ST6GALNAC5: variants seen among roughly 807,000 people sequenced by gnomAD.
ST6GALNAC5 encodes the protein alpha-N-acetylgalactosaminide alpha-2,6-sialyltransferase 5.
In ST6GALNAC5, 27 loss-of-function variants were observed where a neutral mutation model predicts 33.6. That is an observed-to-expected ratio of 0.80 (90% CI 0.59 to 1.11). ST6GALNAC5 has a LOEUF of 1.11. Among genes scored for constraint, ST6GALNAC5 ranks in the 50% least tolerant of loss-of-function variants. The pLI, the probability that ST6GALNAC5 is intolerant of heterozygous loss-of-function variation, is 0.00. For synonymous variants in ST6GALNAC5, 194 were observed against 171.2 expected, an observed-to-expected ratio of 1.13 and a Z score of -1.04; for missense variants, 428 against 454.0, an observed-to-expected ratio of 0.94 and a Z score of 0.52.
In ST6GALNAC5 at chr1:76,922,389, T is replaced by C. The variant is rs181969700; in HGVS notation, c.261+53647T>C. On this transcript the variant is annotated intron_variant, in intron 2 of 4. Transcript: ENST00000477717. ...TGAATAAATGGGGAGACATACTGTATTCATGTATCAGAAGAGTCAGTATAG... is the reference window on the plus strand; with the variant it reads ...TGAATAAATGGGGAGACATACTGTACTCATGTATCAGAAGAGTCAGTATAG... 8.5e-5 allele frequency among the ~76,000 whole-genome samples: 13 copies of C among 152,320 alleles called. No homozygotes were observed. In the East Asian group the frequency reaches 2.3e-3, roughly 27 times the overall value.
chr1:77,008,812 G>C (rs547033415), intron 2 of ST6GALNAC5, among the ~76,000 whole-genome samples: 1 of 152,182 alleles, frequency 6.6e-6, no homozygotes, highest in Admixed American at 6.5e-5. Context: ...TTACAGGCGT[G>C]AGCCACCATC....
chr1:76,949,009 T>C (rs1647637040), intron 2 of ST6GALNAC5, among the ~76,000 whole-genome samples: 1 of 152,150 alleles, frequency 6.6e-6, no homozygotes, highest in South Asian at 2.1e-4. Context: ...TCAAAGAGCT[T>C]GTGGTCTAGC....
intron 2 of ST6GALNAC5, among the ~76,000 whole-genome samples, chr1:76,909,125 A>T (rs1466301580): frequency 6.6e-6 from 1 of 152,104 alleles, no homozygotes; most frequent in Non-Finnish European, 1.5e-5. Flanking sequence ...TGTTGAAATT[A>T]TTGGTGTTTG....
chr1:77,023,751 G>T (rs1651136724), intron 2 of ST6GALNAC5, among the ~76,000 whole-genome samples: 1 of 152,054 alleles, frequency 6.6e-6, no homozygotes, highest in Non-Finnish European at 1.5e-5. Context: ...CACAGGGAAG[G>T]GTGAGGCTGA....
At chr1:77,054,167 A>G (rs1288841559) in intron 4 of ST6GALNAC5, among the ~76,000 whole-genome samples, 1 of 152,174 alleles carries the variant, frequency 6.6e-6, no homozygotes, top group Non-Finnish European at 1.5e-5. Flanking sequence ...AGTTGACCAC[A>G]ATTAAATCAT....
In ST6GALNAC5 at chr1:77,066,616, T is replaced by C. The variant is rs1044213260; in HGVS notation, c.*3410T>C. 3.3e-5 allele frequency among the ~76,000 whole-genome samples: 5 copies of C among 152,216 alleles called. No individual in the cohort carries two copies. Among genetic ancestry groups the C allele is most frequent in the African/African-American group, 4.8e-5 (2 of 41,454 alleles). On this transcript the variant is annotated 3_prime_UTR_variant, in exon 5 of 5. Coordinates refer to ENST00000477717, the MANE Select transcript of ST6GALNAC5 (RefSeq NM_030965.3). ...TGTAAGAGCAAACTCATTTCAGAAATATATCCTGAATTCCACCAGGGTGAT... is the reference window on the plus strand; with the variant it reads ...TGTAAGAGCAAACTCATTTCAGAAACATATCCTGAATTCCACCAGGGTGAT...
intron 2 of ST6GALNAC5, among the ~76,000 whole-genome samples, chr1:77,010,493 T>C (rs1349154373): frequency 1.3e-5 from 2 of 151,990 alleles, no homozygotes; most frequent in East Asian, 3.9e-4. Context: ...AGACTCTGTC[T>C]CAAAAAAATA....
At chr1:76,954,178 C>A (rs1260204267) in intron 2 of ST6GALNAC5, among the ~76,000 whole-genome samples, 1 of 152,082 alleles carries the variant, frequency 6.6e-6, no homozygotes, top group African/African-American at 2.4e-5. Context: ...TACATATACA[C>A]CATGGAATAC....
intron 2 of ST6GALNAC5, among the ~76,000 whole-genome samples, chr1:76,953,330 C>T (rs1445122054): frequency 6.6e-6 from 1 of 152,112 alleles, no homozygotes; most frequent in South Asian, 2.1e-4. Context: ...TGTATTCTCA[C>T]CAGCATTTTG....
chr1:76,904,140 T>C (rs1646842650), intron 2 of ST6GALNAC5, among the ~76,000 whole-genome samples: 1 of 152,256 alleles, frequency 6.6e-6, no homozygotes, highest in Non-Finnish European at 1.5e-5. Context: ...AAATTCCACC[T>C]GAATACTTGG....
intron 2 of ST6GALNAC5, among the ~76,000 whole-genome samples, chr1:77,037,648 G>A (rs1368031605): frequency 1.3e-5 from 2 of 152,116 alleles, no homozygotes; most frequent in Non-Finnish European, 2.9e-5. Flanking sequence ...ATCTAAGCAG[G>A]TGAGTGACAT....
intron 2 of ST6GALNAC5, among the ~76,000 whole-genome samples, chr1:76,928,501 A>C (rs1570680648): frequency 6.6e-6 from 1 of 152,078 alleles, no homozygotes; most frequent in Non-Finnish European, 1.5e-5. Context: ...CATTGGCTCC[A>C]TTGCCTTACT....
At chr1:77,036,110 G>A (rs573396250) in intron 2 of ST6GALNAC5, among the ~76,000 whole-genome samples, 7 of 152,182 alleles carry the variant, frequency 4.6e-5, no homozygotes, top group South Asian at 4.1e-4. Context: ...ACAAGATGAC[G>A]CTGAATTTTG....
At chr1:77,042,545 G>T (rs1441527610) in intron 2 of ST6GALNAC5, among the ~76,000 whole-genome samples, 2 of 152,166 alleles carry the variant, frequency 1.3e-5, no homozygotes, top group Non-Finnish European at 2.9e-5. Flanking sequence ...AGTGTTCACT[G>T]CTGATATCGT....
chr1:77,000,934 C>T (rs1650132729), intron 2 of ST6GALNAC5, among the ~76,000 whole-genome samples: 3 of 151,746 alleles, frequency 2.0e-5, no homozygotes, highest in Admixed American at 6.6e-5. Context: ...GTGATGCCTC[C>T]AGCTTTGTTC....
At chr1:77,000,632 G>T (rs935928255) in intron 2 of ST6GALNAC5, among the ~76,000 whole-genome samples, 186 of 150,838 alleles carry the variant, frequency 1.2e-3, no homozygotes, top group African/African-American at 4.3e-3. Context: ...TAGGTCTAAC[G>T]TTTAAGTCCT....
chr1:76,970,061 A>C (rs534554994), intron 2 of ST6GALNAC5, among the ~76,000 whole-genome samples: 55 of 152,190 alleles, frequency 3.6e-4, no homozygotes, highest in Non-Finnish European at 5.6e-4. Context: ...ACCAACATCA[A>C]AGACCAAAGG....
At chr1:76,965,052 G>C (rs1338691174) in intron 2 of ST6GALNAC5, among the ~76,000 whole-genome samples, 1 of 152,156 alleles carries the variant, frequency 6.6e-6, no homozygotes, top group Non-Finnish European at 1.5e-5. Context: ...ATTGTGAATA[G>C]TGCCACAACA....
chr1:76,910,749 G>A (rs2350526), intron 2 of ST6GALNAC5, among the ~76,000 whole-genome samples: 71,910 of 151,716 alleles, frequency 0.47, 17,552 homozygotes, highest in African/African-American at 0.57. Flanking sequence ...ACAGTTGGAG[G>A]TATTTATGTT....
Sources: gnomAD v4.1 joint callset for allele counts (sites outside exome capture counted in the v4.1 genomes callset) on GRCh38, gnomAD v4.1.1 for gene constraint, MANE v1.5 for transcripts, NCBI Gene and HGNC (gene_info 2026-07-23, HGNC 2026-07-21) for gene names.